Variants in UQCC2 observed in about 807,000 individuals in gnomAD.
UQCC2 encodes the protein ubiquinol-cytochrome c reductase complex assembly factor 2.
Under a neutral mutation model 19.9 loss-of-function variants are expected in UQCC2, and 21 were observed. The ratio of observed to expected loss-of-function variants is 1.05; its 90% CI spans 0.75 to 1.52. The LOEUF (loss-of-function observed/expected upper bound fraction) is 1.52, where lower values mean the gene tolerates loss of function less well. Among genes scored for constraint, UQCC2 ranks in the 40% most tolerant of loss-of-function variants. The pLI, the probability that UQCC2 is intolerant of heterozygous loss-of-function variation, is 0.00. For missense variants in UQCC2, 135 were observed against 157.5 expected (o/e 0.86, Z 0.76); for synonymous variants, 57 against 60.9 (o/e 0.94, Z 0.30).
chr6:33,697,227 T>C lies in UQCC2; in HGVS notation c.*426A>G, dbSNP rs1765572961. On this transcript the variant is annotated 3_prime_UTR_variant, in exon 4 of 4. Coordinates refer to ENST00000607484, the MANE Select transcript of UQCC2 (RefSeq NM_032340.4). ...TCACACCTCCCTACTGCTTTCTGTT[T>C]GCAACAGGATGCCCTTTTCAGTATT... The C allele has an allele frequency of 6.3e-6, 1 of 159,920 alleles. No homozygotes were observed. The highest frequency in any genetic ancestry group is 6.1e-5 in the Admixed American group (1 of 16,418). The allele number at this position is 159,920 out of a possible 1,614,324, so 9.9% of individuals were successfully genotyped here.
At chr6:33,707,853 G>A (rs1765718257) in intron 1 of UQCC2, among the ~76,000 whole-genome samples, 1 of 152,202 alleles carries the variant, frequency 6.6e-6, no homozygotes, top group African/African-American at 2.4e-5. Context: ...ATTCAAAATT[G>A]GCAAAGCCCA....
At chr6:33,699,309 C>G (rs571444138) in intron 3 of UQCC2, among the ~76,000 whole-genome samples, 1 of 152,370 alleles carries the variant, frequency 6.6e-6, no homozygotes, top group Admixed American at 6.5e-5. Context: ...CCAGAACAAG[C>G]TGCAGCGCGG....
intron 1 of UQCC2, among the ~76,000 whole-genome samples, chr6:33,709,617 A>G (rs1765741890): frequency 6.6e-6 from 1 of 152,178 alleles, no homozygotes. Context: ...GAAGACCACC[A>G]TGAATAATGT....
In UQCC2 at chr6:33,697,011, G is replaced by A. The variant is rs1765568922; in HGVS notation, c.*642C>T. The stretch of plus-strand genomic sequence containing the variant: ...GGCCTCTGACTTGTGGCCACCTACA[G>A]AACCTGCCCACAGTGCTGAAGCCAA... On this transcript the variant is annotated 3_prime_UTR_variant, in exon 4 of 4. Transcript: ENST00000607484. The A allele has an allele frequency of 6.6e-6, 1 of 152,360 alleles. No homozygotes were observed. The highest frequency in any genetic ancestry group is 2.4e-5 in the African/African-American group (1 of 41,464). The allele number at this position is 152,360 out of a possible 1,614,324, so 9.4% of individuals were successfully genotyped here.
chr6:33,700,787 T>C (rs1054193330), intron 2 of UQCC2, among the ~76,000 whole-genome samples: 6 of 152,234 alleles, frequency 3.9e-5, no homozygotes, highest in Non-Finnish European at 7.3e-5. Flanking sequence ...AGTTCCCAGG[T>C]GATGCCCATG....
chr6:33,711,289 T>C lies in UQCC2; in HGVS notation c.138+260A>G, dbSNP rs192895987. On this transcript the variant is annotated intron_variant, in intron 1 of 3. Coordinates refer to ENST00000607484, the MANE Select transcript of UQCC2 (RefSeq NM_032340.4). ...GGCCTCTCAAAGAGTGCTGGAATTA[T>C]AGGTGTGAACCGCCGCACCCGGCCC... Among the ~76,000 whole-genome samples the C allele has an allele frequency of 6.1e-3, 935 of 152,280 alleles. 10 individuals are homozygous for C. The highest frequency in any genetic ancestry group is 0.035 in the South Asian group (168 of 4,824).
At chr6:33,707,890 A>T (rs1433156841) in intron 1 of UQCC2, among the ~76,000 whole-genome samples, 1 of 152,236 alleles carries the variant, frequency 6.6e-6, no homozygotes, top group Non-Finnish European at 1.5e-5. Flanking sequence ...AAAACTACAC[A>T]ATAGGATATG....
At chr6:33,710,424 T>G (rs573586803) in intron 1 of UQCC2, among the ~76,000 whole-genome samples, 24 of 152,332 alleles carry the variant, frequency 1.6e-4, no homozygotes, top group South Asian at 4.1e-4. Flanking sequence ...GCTCCGGACC[T>G]TCACCTTAGC....
intron 1 of UQCC2, among the ~76,000 whole-genome samples, chr6:33,704,976 G>A (rs1765682535): frequency 1.3e-5 from 2 of 151,836 alleles, no homozygotes; most frequent in Non-Finnish European, 1.5e-5. Context: ...TCCTATAAGA[G>A]CAAAATGTAC....
chr6:33,699,677 A>G (rs1765615812), intron 3 of UQCC2, among the ~76,000 whole-genome samples: 1 of 152,238 alleles, frequency 6.6e-6, no homozygotes, highest in Non-Finnish European at 1.5e-5. Flanking sequence ...TTAATCTCAG[A>G]AGAGAGTTTT....
intron 3 of UQCC2, among the ~76,000 whole-genome samples, chr6:33,699,040 C>T (rs1480112194): frequency 6.6e-6 from 1 of 152,126 alleles, no homozygotes; most frequent in East Asian, 1.9e-4. Flanking sequence ...TCCATGTTTC[C>T]AGTGTCCAGG....
chr6:33,700,474 AC>A lies in UQCC2; in HGVS notation c.252del (p.Leu85TrpfsTer6). 1 of 1,614,174 alleles carries A rather than the reference AC, an allele frequency of 6.2e-7. No homozygotes were observed. The highest frequency in any genetic ancestry group is 1.1e-5 in the South Asian group (1 of 91,088). On this transcript the variant is annotated frameshift_variant, in exon 3 of 4. Transcript: ENST00000607484. LOFTEE classifies it high-confidence loss of function. ...GACAGGATCAGCTTGTACTCTTCCAACGACAGGCCACTGAAGCTGGTGTCTC... is the reference window on the plus strand; with the variant it reads ...GACAGGATCAGCTTGTACTCTTCCAAGACAGGCCACTGAAGCTGGTGTCTC... ...RPRDTSFSGLSLEEYKLILST... is the reference protein window; with the variant it reads ...RPRDTSFSGLXLEEYKLILST...
chr6:33,702,101 G>T (rs1011430340), intron 1 of UQCC2, among the ~76,000 whole-genome samples: 2 of 152,132 alleles, frequency 1.3e-5, no homozygotes, highest in Non-Finnish European at 2.9e-5. Context: ...CCGCCTCCTG[G>T]GTTCAAGCAA....
intron 3 of UQCC2, among the ~76,000 whole-genome samples, chr6:33,699,532 A>G (rs1212925977): frequency 6.6e-6 from 1 of 152,172 alleles, no homozygotes; most frequent in Non-Finnish European, 1.5e-5. Context: ...TATAGGAGTA[A>G]ATTTACACAT....
chr6:33,697,681 T>C lies in UQCC2; in HGVS notation c.353A>G (p.Lys118Arg), dbSNP rs34628420. Residue 118 changes from lysine to arginine, a missense_variant, in exon 4 of 4, where the codon AAG becomes AGG. Transcript: ENST00000607484. ...GGCCTTATGATCCTCCTCAGGACCC[T>C]TGGGGGCAAACTTCTCCTGCAGTTT... ...WKKLQEKFAP[K>R]GPEEDHKA 4,508 of 1,614,010 alleles carry C rather than the reference T, an allele frequency of 2.8e-3. 235 individuals are homozygous for C. In the Admixed American group the frequency reaches 0.071, roughly 26 times the overall value.
chr6:33,707,566 C>T (rs1765714803), intron 1 of UQCC2, among the ~76,000 whole-genome samples: 1 of 152,232 alleles, frequency 6.6e-6, no homozygotes, highest in African/African-American at 2.4e-5. Context: ...TATTATTATA[C>T]TTAAACTTGC....
chr6:33,697,654 C>G lies in UQCC2; in HGVS notation c.380G>C (p.Ter127SerextTer10). 1.2e-6 allele frequency: 2 copies of G among 1,612,026 alleles called. No individual in the cohort carries two copies. Among genetic ancestry groups the G allele is most frequent in the South Asian group, 1.1e-5 (1 of 90,924 alleles). The change falls in exon 4 of 4, where the codon TGA (stop) becomes TCA (serine). Residue 127 changes from the stop codon to serine (S), a stop_lost. Transcript: ENST00000607484. Reference protein sequence around the residue: ...PKGPEEDHKA* With the variant: ...PKGPEEDHKAS The stretch of plus-strand genomic sequence containing the variant: ...ATGTGCACGAGGTAAGGCCTGAGCT[C>G]AGGCCTTATGATCCTCCTCAGGACC...
intron 1 of UQCC2, among the ~76,000 whole-genome samples, chr6:33,707,951 TTGG>T (rs1765719494): frequency 6.6e-6 from 1 of 152,220 alleles, no homozygotes; most frequent in African/African-American, 2.4e-5. Flanking sequence ...ACCTCCCCAC[TTGG>T]TGGGTTTAGG....
At position 33,711,549 on chromosome 6, in the gene UQCC2, C is replaced by T. The variant is rs151298574; in HGVS notation, c.138G>A (p.Gln46=). ...AQAFREGENT[Q]VAEPEACDQM... is the part of the protein sequence containing the mutation. ...TCCCAGCCGCCTCCCCGCCGGTCAC[C>T]TGGGTATTCTCTCCCTCCCGAAAGG... Residue 46 remains glutamine, a splice_region_variant and synonymous_variant, in exon 1 of 4, where the codon CAG becomes CAA. Coordinates refer to ENST00000607484, the MANE Select transcript of UQCC2 (RefSeq NM_032340.4). 2.6e-5 allele frequency: 41 copies of T among 1,602,400 alleles called. No individual in the cohort carries two copies. The highest frequency in any genetic ancestry group is 3.1e-5 in the Non-Finnish European group (37 of 1,175,506).
Sources: gnomAD v4.1 joint callset for allele counts (sites outside exome capture counted in the v4.1 genomes callset) on GRCh38, gnomAD v4.1.1 for gene constraint, MANE v1.5 for transcripts, NCBI Gene and HGNC (gene_info 2026-07-23, HGNC 2026-07-21) for gene names.